The following COG6 variants were observed in gnomAD, a reference collection of about 807,000 sequenced individuals.
COG6 encodes the protein conserved oligomeric Golgi complex subunit 6.
In COG6, 74 loss-of-function variants were observed where a neutral mutation model predicts 88.8. That is an observed-to-expected ratio of 0.83 (90% CI 0.69 to 1.01). The LOEUF (loss-of-function observed/expected upper bound fraction) is 1.01, where lower values mean the gene tolerates loss of function less well. COG6 is among the 50% of genes least tolerant of loss of function. The pLI, the probability that COG6 is intolerant of heterozygous loss-of-function variation, is 0.00. For missense variants in COG6, 800 were observed against 797.9 expected (o/e 1.00, Z -0.03); for synonymous variants, 286 against 278.7 (o/e 1.03, Z -0.26).
At chr13:39,778,648 C>T (rs1232555234) in intron 18 of COG6, among the ~76,000 whole-genome samples, 1 of 152,186 alleles carries the variant, frequency 6.6e-6, no homozygotes, top group African/African-American at 2.4e-5. Context: ...TTATTTAAAA[C>T]AATATTATTT....
chr13:39,782,360 G>A (rs149760012), intron 18 of COG6, among the ~76,000 whole-genome samples: 1 of 152,200 alleles, frequency 6.6e-6, no homozygotes, highest in African/African-American at 2.4e-5. Context: ...ACCTAAAGCA[G>A]ATGCAGATCT....
intron 18 of COG6, among the ~76,000 whole-genome samples, chr13:39,738,567 T>G (rs1479454290): frequency 6.6e-6 from 1 of 152,144 alleles, no homozygotes; most frequent in Non-Finnish European, 1.5e-5. Flanking sequence ...GTAACTGTAC[T>G]AAATGTGAAA....
chr13:39,668,874 G>A (rs1484215877), intron 4 of COG6, among the ~76,000 whole-genome samples: 3 of 151,912 alleles, frequency 2.0e-5, no homozygotes, highest in African/African-American at 7.3e-5. Context: ...ACATTTTACA[G>A]AACTATAGTA....
chr13:39,787,317 A>C (rs544138439), intron 18 of COG6, among the ~76,000 whole-genome samples: 123 of 152,322 alleles, frequency 8.1e-4, no homozygotes, highest in African/African-American at 2.5e-3. Flanking sequence ...AACTGATGTT[A>C]GTGGAACATT....
At position 39,740,149 on chromosome 13, in the gene COG6, T is replaced by C. The variant is rs941669487; in HGVS notation, c.1827-10797T>C. 2.0e-5 allele frequency among the ~76,000 whole-genome samples: 3 copies of C among 152,290 alleles called. No individual in the cohort carries two copies. The East Asian group carries it at 5.8e-4, about 29-fold the overall frequency. On this transcript the variant is annotated intron_variant, in intron 18 of 18. Transcript: ENST00000455146. ...GTTCATAGACTGAAAAATTCACTAG[T>C]GTAACAGGTTAATCTGTAAATAACT...
intron 15 of COG6, 131 bp from the exon 16 acceptor site, chr13:39,723,202 T>G (rs1219188097): frequency 7.5e-6 from 5 of 664,220 alleles, no homozygotes; most frequent in Non-Finnish European, 1.1e-5. Flanking sequence ...GACTTACTGT[T>G]TGGGGGAAGA....
chr13:39,707,434 AT>A (rs1878002404), intron 13 of COG6, among the ~76,000 whole-genome samples: 2 of 152,128 alleles, frequency 1.3e-5, no homozygotes, highest in South Asian at 4.1e-4. Context: ...GCCAAGCTTT[AT>A]TTTTAACTGC....
intron 1 of COG6, among the ~76,000 whole-genome samples, chr13:39,657,291 A>G (rs980883456): frequency 2.6e-5 from 4 of 152,180 alleles, no homozygotes; most frequent in Non-Finnish European, 5.9e-5. Context: ...TCAGCCTCCC[A>G]AAGTGCTGGG....
chr13:39,712,638 G>A (rs1215936273), intron 13 of COG6, among the ~76,000 whole-genome samples: 1 of 152,198 alleles, frequency 6.6e-6, no homozygotes, highest in Non-Finnish European at 1.5e-5. Flanking sequence ...TGTCATTTTA[G>A]TAGCCTTGTA....
chr13:39,661,791 G>A (rs1366980604), intron 3 of COG6, among the ~76,000 whole-genome samples: 4 of 151,330 alleles, frequency 2.6e-5, no homozygotes, highest in Non-Finnish European at 4.4e-5. Flanking sequence ...TTCCTCAGTG[G>A]TTGATTTTGT....
chr13:39,775,391 G>T (rs937698098), intron 18 of COG6, among the ~76,000 whole-genome samples: 1 of 152,160 alleles, frequency 6.6e-6, no homozygotes, highest in African/African-American at 2.4e-5. Flanking sequence ...TTGAGAAAAA[G>T]AAAAAGTATA....
At chr13:39,767,766 C>T (rs972240548) in intron 18 of COG6, among the ~76,000 whole-genome samples, 4 of 152,236 alleles carry the variant, frequency 2.6e-5, no homozygotes, top group Non-Finnish European at 5.9e-5. Context: ...AGCCTCAACT[C>T]CAGCTCTGAA....
At chr13:39,665,577 C>CTAT (rs958384067) in intron 4 of COG6, among the ~76,000 whole-genome samples, 1 of 151,842 alleles carries the variant, frequency 6.6e-6, no homozygotes, top group African/African-American at 2.4e-5. Context: ...AATAGGTATA[C>CTAT]TATTGGTTGA....
intron 8 of COG6, 46 bp downstream of exon 8, chr13:39,682,310 T>TTATCAAAA (rs1243931282): frequency 1.8e-6 from 2 of 1,122,422 alleles, no homozygotes; most frequent in Middle Eastern, 2.0e-4. Flanking sequence ...ACTTTTCTTT[T>TTATCAAAA]GATATCTTAC....
rs146484408 is a variant in COG6 at position 39,723,348 on chromosome 13, G to T, written c.1600G>T (p.Asp534Tyr). The T allele has an allele frequency of 6.8e-6, 11 of 1,606,500 alleles. No homozygotes were observed. The highest frequency in any genetic ancestry group is 8.5e-6 in the Non-Finnish European group (10 of 1,173,540). ...MLQFQIEAHLDTLINEQASYV... is the reference protein window; with the variant it reads ...MLQFQIEAHLYTLINEQASYV... ...TTTATTTTAGATCGAAGCACATTTG[G>T]ACACACTTATAAATGAGCAAGCCTC... The change falls in exon 16 of 19, where the codon GAC becomes TAC. Residue 534 changes from aspartate (D) to tyrosine (Y), a missense_variant. By Grantham distance (160) the Asp-to-Tyr change is radical. Coordinates refer to ENST00000455146, the MANE Select transcript of COG6 (RefSeq NM_020751.3).
At chr13:39,716,752 A>G (rs1878550392) in intron 13 of COG6, among the ~76,000 whole-genome samples, 1 of 152,138 alleles carries the variant, frequency 6.6e-6, no homozygotes, top group Non-Finnish European at 1.5e-5. Flanking sequence ...GTATACAAAA[A>G]CTTTGCTCCT....
rs1880667401 is a variant in COG6, at chr13:39,752,084, T to G, written c.*991T>G. 1 of 1,285,304 alleles carries G rather than the reference T, an allele frequency of 7.8e-7. No homozygotes were observed. The highest frequency in any genetic ancestry group is 1.5e-5 in the African/African-American group (1 of 65,748). 79.6% of individuals were successfully genotyped at this position (1,285,304 alleles called of 1,614,324 possible). Reference sequence around the variant, plus strand: ...TTTAGACCATTACCTATTAGGAAGATTAAAAATGACTGTATTTTTAAAGGA... The same window carrying G: ...TTTAGACCATTACCTATTAGGAAGAGTAAAAATGACTGTATTTTTAAAGGA... On this transcript the variant is annotated 3_prime_UTR_variant, in exon 19 of 19. Coordinates refer to ENST00000455146, the MANE Select transcript of COG6 (RefSeq NM_020751.3).
chr13:39,701,134 G>A (rs1437012165), intron 13 of COG6, among the ~76,000 whole-genome samples: 1 of 151,786 alleles, frequency 6.6e-6, no homozygotes, highest in Non-Finnish European at 1.5e-5. Context: ...TCTGGGAATA[G>A]GCAAGAGGGG....
intron 6 of COG6, 106 bp from the exon 7 acceptor site, chr13:39,679,869 A>T (rs1876205631): frequency 1.4e-6 from 1 of 705,980 alleles, no homozygotes. Flanking sequence ...CCATAAAATG[A>T]TAAAAAGTTA....
Sources: allele counts gnomAD v4.1 joint callset (sites outside exome capture counted in the v4.1 genomes callset), GRCh38; gene constraint gnomAD v4.1.1; transcripts MANE v1.5; gene names NCBI Gene and HGNC (gene_info 2026-07-23, HGNC 2026-07-21).